ZBTB20: variants seen among roughly 807,000 people sequenced by gnomAD.
The protein encoded by ZBTB20 is zinc finger and BTB domain-containing protein 20.
In ZBTB20, 9 loss-of-function variants were observed where a neutral mutation model predicts 56.9. The observed-to-expected ratio is 0.16, with a 90% confidence interval of 0.10 to 0.28. The LOEUF (loss-of-function observed/expected upper bound fraction) is 0.28. ZBTB20 is among the 10% of genes least tolerant of loss of function. ZBTB20 has a pLI of 1.00. For missense variants in ZBTB20, 655 were observed against 1,003.0 expected, an observed-to-expected ratio of 0.65 and a Z score of 4.69; for synonymous variants, 417 against 420.7, an observed-to-expected ratio of 0.99 and a Z score of 0.11.
chr3:115,007,247 A>G (rs950432882), intron 2 of ZBTB20, among the ~76,000 whole-genome samples: 4 of 151,622 alleles, frequency 2.6e-5, no homozygotes, highest in African/African-American at 9.7e-5. Flanking sequence ...TATGACTTCA[A>G]CTTCTTCTGG....
chr3:114,698,127 A>C (rs1009621230), intron 5 of ZBTB20, among the ~76,000 whole-genome samples: 1 of 152,148 alleles, frequency 6.6e-6, no homozygotes, highest in Non-Finnish European at 1.5e-5. Flanking sequence ...TACCCAATCA[A>C]AAATATTATT....
chr3:114,602,289 G>A (rs1197240538), intron 6 of ZBTB20, among the ~76,000 whole-genome samples: 1 of 152,004 alleles, frequency 6.6e-6, no homozygotes, highest in Non-Finnish European at 1.5e-5. Context: ...TTTGACATAA[G>A]CTGTCATTTG....
chr3:114,437,783 A>C (rs1237597807), intron 7 of ZBTB20, among the ~76,000 whole-genome samples: 1 of 152,058 alleles, frequency 6.6e-6, no homozygotes, highest in Non-Finnish European at 1.5e-5. Context: ...TTTAGGAGCC[A>C]GTCATGTGGA....
At chr3:114,822,216 G>A (rs1403294015) in intron 4 of ZBTB20, among the ~76,000 whole-genome samples, 1 of 152,042 alleles carries the variant, frequency 6.6e-6, no homozygotes, top group Non-Finnish European at 1.5e-5. Flanking sequence ...TTTCAAGGTA[G>A]AGCAGTAAAA....
chr3:114,850,561 A>G (rs1046060723), intron 4 of ZBTB20, among the ~76,000 whole-genome samples: 4 of 152,228 alleles, frequency 2.6e-5, no homozygotes, highest in African/African-American at 7.2e-5. Flanking sequence ...TCTCCATTTT[A>G]CAGACGAGGA....
intron 7 of ZBTB20, among the ~76,000 whole-genome samples, chr3:114,489,334 C>CT (rs1463383219): frequency 6.6e-6 from 1 of 152,080 alleles, no homozygotes; most frequent in Non-Finnish European, 1.5e-5. Flanking sequence ...AAGTTTGACA[C>CT]TTTGAGATGT....
intron 4 of ZBTB20, among the ~76,000 whole-genome samples, chr3:114,899,871 G>A (rs2075038014): frequency 6.6e-6 from 1 of 151,992 alleles, no homozygotes; most frequent in Admixed American, 6.6e-5. Context: ...AGACAGTGGA[G>A]CAGACAGTAC....
At chr3:114,919,843 C>T (rs1367817504) in intron 3 of ZBTB20, among the ~76,000 whole-genome samples, 1 of 151,924 alleles carries the variant, frequency 6.6e-6, no homozygotes, top group Non-Finnish European at 1.5e-5. Context: ...CAACAGAAAA[C>T]AAATATGTAA....
chr3:114,803,288 T>C (rs965529646), intron 4 of ZBTB20, among the ~76,000 whole-genome samples: 3 of 151,560 alleles, frequency 2.0e-5, no homozygotes, highest in African/African-American at 7.3e-5. Flanking sequence ...ATTGAAAAAA[T>C]AGAGACTCAA....
chr3:114,504,163 A>G (rs754156218), intron 6 of ZBTB20, among the ~76,000 whole-genome samples: 1 of 152,232 alleles, frequency 6.6e-6, no homozygotes, highest in Non-Finnish European at 1.5e-5. Context: ...GTATGTGGTT[A>G]GAGCCACACA....
intron 5 of ZBTB20, among the ~76,000 whole-genome samples, chr3:114,712,929 A>G (rs2064193914): frequency 6.6e-6 from 1 of 152,166 alleles, no homozygotes; most frequent in South Asian, 2.1e-4. Flanking sequence ...TAGTCAGGAC[A>G]AGTTGGTCAC....
intron 5 of ZBTB20, among the ~76,000 whole-genome samples, chr3:114,725,078 A>T (rs76699375): frequency 0.011 from 1,683 of 152,310 alleles, 29 homozygotes; most frequent in South Asian, 0.06. Context: ...AAAGACAGTT[A>T]TAAAGGAATA....
At chr3:114,723,359 A>G (rs1487441135) in intron 5 of ZBTB20, among the ~76,000 whole-genome samples, 2 of 152,222 alleles carry the variant, frequency 1.3e-5, no homozygotes, top group South Asian at 4.1e-4. Flanking sequence ...CTGAGACTCA[A>G]TATGAATATT....
At chr3:114,761,933 A>T (rs79636498) in intron 5 of ZBTB20, among the ~76,000 whole-genome samples, 1 of 152,216 alleles carries the variant, frequency 6.6e-6, no homozygotes, top group Admixed American at 6.5e-5. Context: ...CATTTGAAGT[A>T]TTCAGAGTTA....
intron 7 of ZBTB20, among the ~76,000 whole-genome samples, chr3:114,463,162 T>A (rs1400222925): frequency 6.6e-6 from 1 of 152,228 alleles, no homozygotes; most frequent in African/African-American, 2.4e-5. Flanking sequence ...TTACCAATCT[T>A]ACAAATTGTT....
At chr3:114,918,419 T>C (rs1198019010) in intron 3 of ZBTB20, among the ~76,000 whole-genome samples, 4 of 151,882 alleles carry the variant, frequency 2.6e-5, no homozygotes. Context: ...TCTGTTTTTC[T>C]CAAGCAGAAG....
In ZBTB20 at chr3:114,719,065, A is replaced by T. The variant is rs77172320; in HGVS notation, c.-342-25490T>A. Reference sequence around the variant, plus strand: ...CTCGAAAAATTTAACTCAAAACTCCACACAAGCAGAAGGAGCCAAAAGGCC... The same window carrying T: ...CTCGAAAAATTTAACTCAAAACTCCTCACAAGCAGAAGGAGCCAAAAGGCC... On this transcript the variant is annotated intron_variant, in intron 5 of 11. Transcript: ENST00000675478. 5.0e-3 allele frequency among the ~76,000 whole-genome samples: 765 copies of T among 151,510 alleles called. 6 individuals are homozygous for T. The highest frequency in any genetic ancestry group is 0.016 in the African/African-American group (655 of 41,310).
At chr3:114,409,125 CTTTTTTT>C (rs56339103) in intron 7 of ZBTB20, among the ~76,000 whole-genome samples, 1,873 of 72,010 alleles carry the variant, frequency 0.026, 22 homozygotes, top group Non-Finnish European at 0.034. Context: ...AAAGGGAAGA[CTTTTTTT>C]TTTTTTTTTT....
intron 5 of ZBTB20, among the ~76,000 whole-genome samples, chr3:114,702,154 A>G (rs537278412): frequency 2.8e-4 from 43 of 152,236 alleles, no homozygotes; most frequent in Middle Eastern, 3.4e-3. Flanking sequence ...CCTAGACAAC[A>G]TGGTGGAACC....
Sources: gnomAD v4.1 joint callset for allele counts (sites outside exome capture counted in the v4.1 genomes callset) on GRCh38, gnomAD v4.1.1 for gene constraint, MANE v1.5 for transcripts, NCBI Gene and HGNC (gene_info 2026-07-23, HGNC 2026-07-21) for gene names.